The following TNRC18 variants were observed in gnomAD, a reference collection of about 807,000 sequenced individuals.
The protein encoded by TNRC18 is trinucleotide repeat containing 18, also known as trinucleotide repeat-containing gene 18 protein.
In TNRC18, 69 loss-of-function variants were observed where a neutral mutation model predicts 226.7. That is an observed-to-expected ratio of 0.30 (90% CI 0.25 to 0.37). The LOEUF is 0.37. TNRC18 is among the 10% of genes least tolerant of loss of function. The pLI is 1.00. For missense variants in TNRC18, 4,754 were observed against 4,256.6 expected (o/e 1.12, Z -3.25); for synonymous variants, 2,449 against 1,927.6 (o/e 1.27, Z -7.09).
chr7:5,351,642 G>T (rs984742700), intron 17 of TNRC18, among the ~76,000 whole-genome samples, 177 bp downstream of exon 17: 3 of 152,180 alleles, frequency 2.0e-5, no homozygotes, highest in Non-Finnish European at 4.4e-5. Flanking sequence ...AAAATCATTC[G>T]GCTGATAACA....
intron 19 of TNRC18, among the ~76,000 whole-genome samples, chr7:5,327,387 G>GTA (rs1435931166): frequency 1.9e-5 from 2 of 107,706 alleles, no homozygotes; most frequent in African/African-American, 6.4e-5. Context: ...GTGTGTGTGT[G>GTA]TGTGTGTGTG....
chr7:5,346,541 G>A lies in TNRC18; in HGVS notation c.5471-731C>T, dbSNP rs185597782. 7.6e-3 allele frequency among the ~76,000 whole-genome samples: 1,152 copies of A among 152,308 alleles called. 23 individuals carry two copies. The highest frequency in any genetic ancestry group is 7.7e-3 in the Non-Finnish European group (523 of 68,024). ...AAGTTGACCCCAGCCGGGCACAGTGGCTCACGCCTGTAATCCCAACACTTT... is the reference window on the plus strand; with the variant it reads ...AAGTTGACCCCAGCCGGGCACAGTGACTCACGCCTGTAATCCCAACACTTT... On this transcript the variant is annotated intron_variant, in intron 17 of 29. Coordinates refer to ENST00000430969, the MANE Select transcript of TNRC18 (RefSeq NM_001080495.3).
intron 5 of TNRC18, among the ~76,000 whole-genome samples, chr7:5,385,494 CAAAAAAAAAAAAAA>C (rs60919833): frequency 0.37 from 32,735 of 88,722 alleles, 4,668 homozygotes; most frequent in South Asian, 0.48. Context: ...GACTCCGTCT[CAAAAAAAAAAAAAA>C]AAAAAAAAAG....
Position 5,359,561 on chromosome 7 carries a change from C to A in TNRC18, c.4670G>T (p.Ser1557Ile). ...ATCATCTGATGTCAGCAGAGACTTG[C>A]TGCTCAGCCTGAAACGCAGACACAC... ...KSGHSSGKLS[S>I]KSLLTSDDYE... The change falls in exon 15 of 30, where the codon AGC becomes ATC. Residue 1557 changes from serine (S) to isoleucine (I), a missense_variant. Transcript: ENST00000430969. The A allele has an allele frequency of 1.9e-6, 3 of 1,613,864 alleles. No homozygotes were observed. Among genetic ancestry groups the A allele is most frequent in the Non-Finnish European group, 2.5e-6 (3 of 1,179,894 alleles).
In TNRC18 at chr7:5,394,632, AC is replaced by A; in HGVS notation, c.188-38del. The A allele has an allele frequency of 6.6e-7, 1 of 1,511,818 alleles. No homozygotes were observed. The highest frequency in any genetic ancestry group is 1.2e-5 in the South Asian group (1 of 81,164). 93.7% of individuals were successfully genotyped at this position (1,511,818 alleles called of 1,614,324 possible). On this transcript the variant is annotated intron_variant, in intron 2 of 29. Coordinates refer to ENST00000430969, the MANE Select transcript of TNRC18 (RefSeq NM_001080495.3). This position sits in a 1 kb window ranked among gnomAD's most constrained non-coding sequence, Gnocchi z 4.5. ...AGTTGGGAGGACCGTCAGGCAGACA[AC>A]CAGGGAGGCGCCGCCGCCCCAGCCC...
intron 17 of TNRC18, among the ~76,000 whole-genome samples, chr7:5,351,573 CAA>C (rs1192522143): frequency 2.0e-5 from 3 of 152,094 alleles, no homozygotes; most frequent in Admixed American, 6.5e-5. Context: ...TATAACAGCT[CAA>C]AAAGAGCCAG....
intron 2 of TNRC18, among the ~76,000 whole-genome samples, chr7:5,395,590 C>T (rs997480692): frequency 2.0e-5 from 3 of 152,224 alleles, no homozygotes; most frequent in African/African-American, 4.8e-5. Context: ...CAGGCCCTGG[C>T]GCACGGGGCT....
chr7:5,330,298 T>C (rs1313010739), intron 19 of TNRC18, among the ~76,000 whole-genome samples: 2 of 152,064 alleles, frequency 1.3e-5, no homozygotes, highest in Non-Finnish European at 1.5e-5. Flanking sequence ...AGTATGATCA[T>C]AGCTCACTGC....
chr7:5,362,597 C>A, intron 12 of TNRC18, 53 bp downstream of exon 12: 2 of 1,471,576 alleles, frequency 1.4e-6, no homozygotes, highest in South Asian at 2.8e-5. Context: ...ACAGAGGGGC[C>A]TCCCACCCAG....
rs764864168 is a variant in TNRC18, at chr7:5,316,085, G to T, written c.6746-13C>A. 6.2e-7 allele frequency: 1 copy of T among 1,605,464 alleles called. No individual in the cohort carries two copies. Among genetic ancestry groups the T allele is most frequent in the Admixed American group, 1.7e-5 (1 of 59,122 alleles). ...AGGTCCAGTAACCCTGTGGGAAGAG[G>T]GGAGGCTCAGGGGAGGCCCTCGGAC... On this transcript the variant is annotated splice_polypyrimidine_tract_variant and intron_variant, in intron 24 of 29. Transcript: ENST00000430969.
At chr7:5,366,566 C>T (rs541417297) in intron 11 of TNRC18, among the ~76,000 whole-genome samples, 14 of 152,096 alleles carry the variant, frequency 9.2e-5, no homozygotes, top group African/African-American at 1.9e-4. Flanking sequence ...TCAAGTGATC[C>T]GCCTGCCTTG....
chr7:5,312,594 C>T lies in TNRC18; in HGVS notation c.8297G>A (p.Arg2766Gln), dbSNP rs747449550. The change falls in exon 27 of 30, where the codon CGG (arginine) becomes CAG (glutamine). Residue 2766 changes from arginine to glutamine, a missense_variant. By Grantham distance (43) the Arg-to-Gln change is conservative (BLOSUM62 1). Coordinates refer to ENST00000430969, the MANE Select transcript of TNRC18 (RefSeq NM_001080495.3). This position sits in a 1 kb window ranked among gnomAD's most constrained non-coding sequence, Gnocchi z 6.3. ...GTTCTCCACGGACGGCAGGCGCTGC[C>T]GCTTGGCCAGCTCCTTGGTGGTGGG... ...HLPTTKELAKRQRLPSVENRP... is the reference protein window; with the variant it reads ...HLPTTKELAKQQRLPSVENRP... 10 of 1,610,830 alleles carry T rather than the reference C, an allele frequency of 6.2e-6. No individual in the cohort carries two copies. The highest frequency in any genetic ancestry group is 1.3e-5 in the African/African-American group (1 of 74,866).
chr7:5,382,155 G>C (rs1726327405), intron 5 of TNRC18, among the ~76,000 whole-genome samples: 1 of 152,178 alleles, frequency 6.6e-6, no homozygotes, highest in African/African-American at 2.4e-5. Context: ...CTGAGGCACA[G>C]GGAGATAAAG....
Position 5,351,846 on chromosome 7 carries a change from C to G in TNRC18, c.5443G>C (p.Asp1815His), listed in dbSNP as rs775350368. The change falls in exon 17 of 30, where the codon GAC (aspartate) becomes CAC (histidine). Residue 1815 changes from aspartate (D) to histidine (H), a missense_variant. Transcript: ENST00000430969. ...TGGTCAAACGATTCCTCCGAAGAGT[C>G]GCTGAAGGAGGAACGCGCCTCGGCC... is the stretch of plus-strand genomic sequence containing the variant. ...REAEARSSFS[D>H]SSEESFDQDE... 6.2e-7 allele frequency: 1 copy of G among 1,603,726 alleles called. No homozygotes were observed. The highest frequency in any genetic ancestry group is 8.5e-7 in the Non-Finnish European group (1 of 1,175,836).
At chr7:5,415,090 A>C (rs1331849636) in intron 2 of TNRC18, among the ~76,000 whole-genome samples, 1 of 152,168 alleles carries the variant, frequency 6.6e-6, no homozygotes, top group Non-Finnish European at 1.5e-5. Flanking sequence ...TCCTCAGTTT[A>C]AAATTCCAAG....
At chr7:5,383,946 A>C (rs1334464670) in intron 5 of TNRC18, among the ~76,000 whole-genome samples, 1 of 135,690 alleles carries the variant, frequency 7.4e-6, no homozygotes. Context: ...GCACACCAGC[A>C]TACCCGGGTG....
rs746998201 is a variant in TNRC18 at position 5,315,952 on chromosome 7, T to C, written c.6862+4A>G. On this transcript the variant is annotated splice_donor_region_variant and intron_variant, in intron 25 of 29. Coordinates refer to ENST00000430969, the MANE Select transcript of TNRC18 (RefSeq NM_001080495.3). ...AGACCGGGTGTCATGAGCTTGTCAC[T>C]TACACTGTATCTTATAGTCAGGGGG... 2.5e-6 allele frequency: 4 copies of C among 1,575,804 alleles called. No individual in the cohort carries two copies. Among genetic ancestry groups the C allele is most frequent in the Non-Finnish European group, 3.4e-6 (4 of 1,163,776 alleles).
chr7:5,375,275 C>T (rs774034781), intron 9 of TNRC18, among the ~76,000 whole-genome samples: 11 of 152,276 alleles, frequency 7.2e-5, no homozygotes, highest in Admixed American at 4.6e-4. Context: ...TACCACTGCA[C>T]TCCAGCCTGG....
At chr7:5,423,026 CT>C (rs572663109) in intron 1 of TNRC18, 14 of 152,428 alleles carry the variant, frequency 9.2e-5, no homozygotes, top group African/African-American at 3.4e-4. Flanking sequence ...CCTCGGCTAT[CT>C]GCGGGCTCCG....
Sources: allele counts gnomAD v4.1 joint callset (sites outside exome capture counted in the v4.1 genomes callset), GRCh38; gene constraint gnomAD v4.1.1; non-coding constraint Gnocchi (gnomAD v3.1); transcripts MANE v1.5; gene names NCBI Gene and HGNC (gene_info 2026-07-23, HGNC 2026-07-21).